The following STK32B variants were observed in gnomAD, a reference collection of about 807,000 sequenced individuals.
The protein encoded by STK32B is serine/threonine-protein kinase 32B.
In STK32B, 43 loss-of-function variants were observed where a neutral mutation model predicts 52.6. The observed-to-expected ratio is 0.82, with a 90% CI of 0.64 to 1.05. STK32B has a LOEUF of 1.05. Among genes scored for constraint, STK32B ranks in the 50% least tolerant of loss-of-function variants. STK32B has a pLI of 0.00. For missense variants in STK32B, 621 were observed against 534.6 expected, an observed-to-expected ratio of 1.16 and a Z score of -1.59; for synonymous variants, 238 against 204.3, an observed-to-expected ratio of 1.17 and a Z score of -1.41.
chr4:5,427,476 C>T lies in STK32B; in HGVS notation c.562+10542C>T. On this transcript the variant is annotated intron_variant, in intron 6 of 11. Coordinates refer to ENST00000282908, the MANE Select transcript of STK32B (RefSeq NM_018401.3). Reference sequence around the variant, plus strand: ...GCCCAAGATTGGTATTATTTCTACACATATTTTGTAGAATTATGCAGTGAA... The same window carrying T: ...GCCCAAGATTGGTATTATTTCTACATATATTTTGTAGAATTATGCAGTGAA... Among the ~76,000 whole-genome samples the T allele has an allele frequency of 1.3e-5, 2 of 152,122 alleles. 1 individual carries two copies. Among genetic ancestry groups the T allele is most frequent in the Non-Finnish European group, 2.9e-5 (2 of 68,012 alleles).
At chr4:5,234,478 C>T (rs1724491719) in intron 3 of STK32B, among the ~76,000 whole-genome samples, 1 of 151,434 alleles carries the variant, frequency 6.6e-6, no homozygotes, top group Admixed American at 6.6e-5. Context: ...TGCTCTATTT[C>T]CTAGCTCAGT....
intron 1 of STK32B, among the ~76,000 whole-genome samples, chr4:5,059,052 C>CTTTTTTTTTTT (rs3072775): frequency 0.022 from 1,888 of 86,842 alleles, 370 homozygotes; most frequent in East Asian, 0.038. Context: ...CGCCCAGCTG[C>CTTTTTTTTTTT]TTTTTTTTTT....
intron 7 of STK32B, 57 bp from the exon 8 acceptor site, chr4:5,456,750 G>A (rs1229760377): frequency 5.7e-6 from 8 of 1,408,622 alleles, no homozygotes; most frequent in East Asian, 4.8e-5. Context: ...CTTAAAATGC[G>A]GACGGTGCCT....
intron 6 of STK32B, among the ~76,000 whole-genome samples, chr4:5,435,367 C>G (rs1477291495): frequency 6.6e-6 from 1 of 152,166 alleles, no homozygotes; most frequent in Admixed American, 6.5e-5. Flanking sequence ...TGAGCCAGGG[C>G]TGCCCCTAGA....
intron 3 of STK32B, among the ~76,000 whole-genome samples, chr4:5,309,299 G>GA (rs1340114969): frequency 6.6e-6 from 1 of 151,840 alleles, no homozygotes; most frequent in Non-Finnish European, 1.5e-5. Flanking sequence ...GTAATATTGT[G>GA]AAAATGACCA....
chr4:5,368,631 C>G (rs548665144), intron 4 of STK32B, among the ~76,000 whole-genome samples: 1 of 152,140 alleles, frequency 6.6e-6, no homozygotes, highest in African/African-American at 2.4e-5. Flanking sequence ...CCTTGGTGGT[C>G]GATGGCCTCA....
intron 4 of STK32B, among the ~76,000 whole-genome samples, chr4:5,369,657 A>G (rs1010750755): frequency 2.6e-5 from 4 of 152,106 alleles, no homozygotes; most frequent in Admixed American, 1.3e-4. Context: ...TTTCTGCTCT[A>G]CCCTCATGGT....
At chr4:5,070,882 C>T (rs1711724956) in intron 1 of STK32B, among the ~76,000 whole-genome samples, 1 of 152,156 alleles carries the variant, frequency 6.6e-6, no homozygotes, top group African/African-American at 2.4e-5. Context: ...CCTGAGTCCA[C>T]AGAAGGCCGT....
chr4:5,145,432 A>C (rs1289319337), intron 2 of STK32B, among the ~76,000 whole-genome samples: 1 of 152,220 alleles, frequency 6.6e-6, no homozygotes, highest in Non-Finnish European at 1.5e-5. Context: ...AAATAAATGC[A>C]TCTGAGTAAC....
intron 3 of STK32B, among the ~76,000 whole-genome samples, chr4:5,246,668 GTTTTTCT>G (rs1725473212): frequency 6.6e-6 from 1 of 152,090 alleles, no homozygotes; most frequent in Admixed American, 6.5e-5. Context: ...AGAGTTTCTG[GTTTTTCT>G]GCTCTGTGTC....
chr4:5,190,936 T>C (rs1017231957), intron 3 of STK32B, among the ~76,000 whole-genome samples: 1 of 152,180 alleles, frequency 6.6e-6, no homozygotes, highest in African/African-American at 2.4e-5. Context: ...AGCCAGCCTT[T>C]GTGACTCCAG....
rs182325372 is a variant in STK32B at position 5,213,181 on chromosome 4, A to G, written c.260+44731A>G. 1.5e-3 allele frequency among the ~76,000 whole-genome samples: 224 copies of G among 152,188 alleles called. 1 individual carries two copies. The highest frequency in any genetic ancestry group is 1.3e-3 in the Non-Finnish European group (89 of 68,004). On this transcript the variant is annotated intron_variant, in intron 3 of 11. Transcript: ENST00000282908. ...TTCGATTCCTTCTTTTCCCTCATCC[A>G]TCACCTCATTGAGTCCAAGAACAAA...
At position 5,466,697 on chromosome 4, in the gene STK32B, C is replaced by A; in HGVS notation, c.910-6C>A. The A allele has an allele frequency of 6.2e-7, 1 of 1,610,926 alleles. No homozygotes were observed. Among genetic ancestry groups the A allele is most frequent in the South Asian group, 1.1e-5 (1 of 90,392 alleles). The stretch of plus-strand genomic sequence containing the variant: ...AGACCATGTTTTCTTTTCTACTCCC[C>A]TTTAGAAAGGGAGGTTGAACTGCGA... On this transcript the variant is annotated splice_region_variant and splice_polypyrimidine_tract_variant and intron_variant, in intron 9 of 11. Transcript: ENST00000282908.
rs537294208 is a variant in STK32B at position 5,470,279 on chromosome 4, C to A, written c.1106+2209C>A. ...GGGAAATGCAGTTGGCCTGTGGACA[C>A]CCCTGAGATTTGCAGTCAGCCTATG... On this transcript the variant is annotated intron_variant, in intron 11 of 11. Coordinates refer to ENST00000282908, the MANE Select transcript of STK32B (RefSeq NM_018401.3). The surrounding 1 kb of genome is among the most constrained non-coding windows in gnomAD (Gnocchi z 4.6). Among the ~76,000 whole-genome samples, 31 of 152,274 alleles carry A rather than the reference C, an allele frequency of 2.0e-4. No homozygotes were observed. The highest frequency in any genetic ancestry group is 2.6e-4 in the Non-Finnish European group (18 of 68,034).
At chr4:5,144,783 C>CCCATTCATTCATTCAT (rs145527066) in intron 2 of STK32B, among the ~76,000 whole-genome samples, 2 of 121,066 alleles carry the variant, frequency 1.7e-5, no homozygotes, top group African/African-American at 8.9e-5. Flanking sequence ...CACTCATTCA[C>CCCATTCATTCATTCAT]TCATCCATCC....
chr4:5,178,389 A>G (rs945556176), intron 3 of STK32B, among the ~76,000 whole-genome samples: 2 of 151,890 alleles, frequency 1.3e-5, no homozygotes, highest in African/African-American at 4.8e-5. Flanking sequence ...CCATGAAACT[A>G]TTTTTCCCCC....
intron 6 of STK32B, among the ~76,000 whole-genome samples, chr4:5,444,296 T>C (rs1258688675): frequency 1.3e-5 from 2 of 152,192 alleles, no homozygotes. Context: ...CGGGATATAA[T>C]CTTGTGGTGC....
At chr4:5,312,881 G>A (rs886164363) in intron 3 of STK32B, among the ~76,000 whole-genome samples, 1 of 151,996 alleles carries the variant, frequency 6.6e-6, no homozygotes, top group Non-Finnish European at 1.5e-5. Flanking sequence ...CACAATGGAT[G>A]GTTGAACTAG....
intron 3 of STK32B, among the ~76,000 whole-genome samples, chr4:5,299,752 T>G (rs1435430034): frequency 1.3e-5 from 2 of 152,146 alleles, no homozygotes; most frequent in Admixed American, 6.5e-5. Flanking sequence ...TATCCATTCT[T>G]TTTTTGGCTC....
Sources: allele counts gnomAD v4.1 joint callset (sites outside exome capture counted in the v4.1 genomes callset), GRCh38; gene constraint gnomAD v4.1.1; non-coding constraint Gnocchi (gnomAD v3.1); transcripts MANE v1.5; gene names NCBI Gene and HGNC (gene_info 2026-07-23, HGNC 2026-07-21).